L3MBTL4: variants seen among roughly 807,000 people sequenced by gnomAD.
The protein encoded by L3MBTL4 is L3MBTL histone methyl-lysine binding protein 4.
In L3MBTL4, 70 loss-of-function variants were observed where a neutral mutation model predicts 84.5. That is an observed-to-expected ratio of 0.83 (90% CI 0.68 to 1.01). The LOEUF (loss-of-function observed/expected upper bound fraction) is 1.01. L3MBTL4 is among the 50% of genes least tolerant of loss of function. The probability of loss-of-function intolerance (pLI) is 0.00; values close to 1 mark genes in which losing one functional copy is unlikely to be tolerated. For synonymous variants in L3MBTL4, 274 were observed against 259.8 expected, an observed-to-expected ratio of 1.05 and a Z score of -0.52; for missense variants, 715 against 754.8, an observed-to-expected ratio of 0.95 and a Z score of 0.62.
At chr18:6,154,334 T>C (rs1347992978) in intron 13 of L3MBTL4, among the ~76,000 whole-genome samples, 1 of 152,214 alleles carries the variant, frequency 6.6e-6, no homozygotes, top group Non-Finnish European at 1.5e-5. Context: ...AGGGTAGTCA[T>C]GCACATCAAG....
chr18:6,327,895 A>G (rs376323397), intron 1 of L3MBTL4, among the ~76,000 whole-genome samples: 9 of 152,314 alleles, frequency 5.9e-5, no homozygotes, highest in African/African-American at 2.2e-4. Context: ...TTGCCCCTGA[A>G]TATCATCATC....
chr18:6,079,734 G>T (rs1220938734), intron 16 of L3MBTL4, among the ~76,000 whole-genome samples: 2 of 152,102 alleles, frequency 1.3e-5, no homozygotes, highest in Non-Finnish European at 2.9e-5. Flanking sequence ...TTCTTACATG[G>T]TTCCAAAACA....
At chr18:6,385,563 C>T (rs1023701096) in intron 1 of L3MBTL4, among the ~76,000 whole-genome samples, 6 of 152,186 alleles carry the variant, frequency 3.9e-5, no homozygotes, top group African/African-American at 1.4e-4. Flanking sequence ...TTTAAGCCTA[C>T]CACCATCTCC....
chr18:6,211,619 T>C (rs975107346), intron 12 of L3MBTL4, among the ~76,000 whole-genome samples: 7 of 152,144 alleles, frequency 4.6e-5, no homozygotes, highest in African/African-American at 1.7e-4. Flanking sequence ...TGATGTGCTA[T>C]TATGACTGAG....
chr18:6,015,396 G>A (rs1385666145), intron 16 of L3MBTL4, among the ~76,000 whole-genome samples: 1 of 152,100 alleles, frequency 6.6e-6, no homozygotes, highest in Non-Finnish European at 1.5e-5. Flanking sequence ...TCAACACTCA[G>A]TGCCACCCAG....
At chr18:6,203,081 G>A (rs139157976) in intron 12 of L3MBTL4, among the ~76,000 whole-genome samples, 112 of 152,326 alleles carry the variant, frequency 7.4e-4, no homozygotes, top group African/African-American at 2.6e-3. Context: ...ACACAGCATA[G>A]AGAAGAAACA....
intron 15 of L3MBTL4, among the ~76,000 whole-genome samples, chr18:6,087,591 G>A (rs566015476): frequency 6.6e-6 from 1 of 152,238 alleles, no homozygotes; most frequent in South Asian, 2.1e-4. Context: ...ACTCTGGTTT[G>A]TCATGGTGTT....
intron 16 of L3MBTL4, among the ~76,000 whole-genome samples, chr18:6,045,781 C>T (rs551307122): frequency 6.6e-6 from 1 of 152,308 alleles, no homozygotes; most frequent in Non-Finnish European, 1.5e-5. Context: ...ACCACAAAAA[C>T]ACAGTTATGT....
At chr18:6,339,281 T>C (rs1880983620) in intron 1 of L3MBTL4, among the ~76,000 whole-genome samples, 3 of 152,320 alleles carry the variant, frequency 2.0e-5, no homozygotes, top group South Asian at 4.1e-4. Flanking sequence ...AAAAGTTTAA[T>C]TATAGTCACT....
intron 1 of L3MBTL4, among the ~76,000 whole-genome samples, chr18:6,375,866 A>G (rs1226417078): frequency 6.6e-6 from 1 of 152,158 alleles, no homozygotes; most frequent in African/African-American, 2.4e-5. Flanking sequence ...GAGCCACTCA[A>G]CAAGAAATAG....
chr18:6,163,272 G>GGGGT (rs1243686744), intron 13 of L3MBTL4, among the ~76,000 whole-genome samples: 1,882 of 94,726 alleles, frequency 0.02, 10 homozygotes, highest in Non-Finnish European at 0.031. Flanking sequence ...GGGGGGGGTG[G>GGGGT]GTGTGTGTGT....
chr18:6,284,054 A>G (rs1302769053), intron 4 of L3MBTL4, among the ~76,000 whole-genome samples: 1 of 152,198 alleles, frequency 6.6e-6, no homozygotes, highest in Non-Finnish European at 1.5e-5. Flanking sequence ...ATTTCTGTGT[A>G]TTGCACTATA....
chr18:6,350,487 T>C (rs1379207261), intron 1 of L3MBTL4, among the ~76,000 whole-genome samples: 1 of 150,382 alleles, frequency 6.6e-6, no homozygotes, highest in East Asian at 2.0e-4. Context: ...CCAATAATCA[T>C]GAAAAAATAC....
chr18:6,382,256 T>A (rs1304128393), intron 1 of L3MBTL4, among the ~76,000 whole-genome samples: 1 of 152,222 alleles, frequency 6.6e-6, no homozygotes, highest in East Asian at 1.9e-4. Context: ...GGTTCTTAGC[T>A]TCCTTGCATT....
chr18:6,188,713 G>A (rs2074360073), intron 12 of L3MBTL4, among the ~76,000 whole-genome samples: 1 of 152,206 alleles, frequency 6.6e-6, no homozygotes, highest in African/African-American at 2.4e-5. Flanking sequence ...CTGGCTGGCT[G>A]TGTTGAGATC....
At chr18:6,142,187 T>C (rs545014449) in intron 13 of L3MBTL4, among the ~76,000 whole-genome samples, 1 of 152,350 alleles carries the variant, frequency 6.6e-6, no homozygotes, top group East Asian at 1.9e-4. Context: ...TCTATCTCTC[T>C]TATTAGACCA....
intron 14 of L3MBTL4, among the ~76,000 whole-genome samples, chr18:6,100,165 A>T (rs192716563): frequency 9.2e-5 from 14 of 152,330 alleles, no homozygotes; most frequent in Admixed American, 6.5e-4. Context: ...CATGGTGATA[A>T]TAATATCTTA....
chr18:6,298,082 G>A (rs1215674826), intron 4 of L3MBTL4, among the ~76,000 whole-genome samples: 2 of 152,152 alleles, frequency 1.3e-5, no homozygotes, highest in Non-Finnish European at 2.9e-5. Context: ...TGTTTACTCA[G>A]CACTTTTGAT....
At chr18:6,268,807 T>C (rs926221475) in intron 4 of L3MBTL4, among the ~76,000 whole-genome samples, 5 of 152,232 alleles carry the variant, frequency 3.3e-5, no homozygotes, top group South Asian at 2.1e-4. Flanking sequence ...CAGGTACTGA[T>C]TGGGATATGT....
Sources: gnomAD v4.1 joint callset for allele counts (sites outside exome capture counted in the v4.1 genomes callset) on GRCh38, gnomAD v4.1.1 for gene constraint, MANE v1.5 for transcripts, NCBI Gene and HGNC (gene_info 2026-07-23, HGNC 2026-07-21) for gene names.